Variants in USH1C observed in about 807,000 individuals in gnomAD.
USH1C encodes harmonin.
In USH1C, 90 loss-of-function variants were observed where a neutral mutation model predicts 119.3. The ratio of observed to expected loss-of-function variants is 0.75; its 90% CI spans 0.64 to 0.90. The LOEUF (loss-of-function observed/expected upper bound fraction) is 0.90, where lower values mean the gene tolerates loss of function less well. USH1C is among the 40% of genes least tolerant of loss of function. The probability of loss-of-function intolerance (pLI) is 0.00; values close to 1 mark genes in which losing one functional copy is unlikely to be tolerated. For synonymous variants in USH1C, 465 were observed against 443.3 expected, an observed-to-expected ratio of 1.05 and a Z score of -0.62; for missense variants, 1,165 against 1,167.7, an observed-to-expected ratio of 1.00 and a Z score of 0.03.
intron 1 of USH1C, chr11:17,533,740 G>A (rs955354989): frequency 6.4e-6 from 3 of 465,452 alleles, no homozygotes; most frequent in Non-Finnish European, 1.3e-5. Flanking sequence ...TGTAGTGCCG[G>A]ATAAATGCTT....
intron 16 of USH1C, among the ~76,000 whole-genome samples, chr11:17,511,682 G>A (rs2133826738): frequency 6.6e-6 from 1 of 152,304 alleles, no homozygotes; most frequent in South Asian, 2.1e-4. Context: ...ACACCCCCAA[G>A]CAAGGAGATT....
chr11:17,496,291 T>G (rs2133766368), intron 25 of USH1C, among the ~76,000 whole-genome samples: 1 of 152,188 alleles, frequency 6.6e-6, no homozygotes, highest in South Asian at 2.1e-4. Flanking sequence ...CAAAGCTCCC[T>G]GGAGATCCCA....
intron 2 of USH1C, among the ~76,000 whole-genome samples, chr11:17,532,445 G>A (rs912587138): frequency 6.6e-6 from 1 of 151,842 alleles, no homozygotes; most frequent in Non-Finnish European, 1.5e-5. Context: ...CTACAGGCAC[G>A]CGCCACCATA....
chr11:17,544,213 T>C (rs971586099), intron 1 of USH1C, 59 bp downstream of exon 1: 1 of 1,610,368 alleles, frequency 6.2e-7, no homozygotes, highest in Admixed American at 1.7e-5. Flanking sequence ...GTCCACCCCC[T>C]ACCCACCGCG....
chr11:17,509,425 C>T lies in USH1C; in HGVS notation c.1944G>A (p.Glu648=). The change falls in exon 18 of 27, where the codon GAG becomes GAA. Residue 648 remains glutamate (E), a synonymous_variant. Coordinates refer to ENST00000005226, the MANE Select transcript of USH1C (RefSeq NM_153676.4). ...TGGGCTTCCCACTGTGGTTCTTTGC[C>T]TCCCAGTCCTCCACTGGATTGCCTG... ...GDTGNPVEDW[E]AKNHSGKPTN... 6.2e-7 allele frequency: 1 copy of T among 1,607,550 alleles called. No individual in the cohort carries two copies. The highest frequency in any genetic ancestry group is 8.5e-7 in the Non-Finnish European group (1 of 1,175,416).
chr11:17,523,002 G>A, intron 11 of USH1C, 76 bp from the exon 12 acceptor site: 1 of 1,597,106 alleles, frequency 6.3e-7, no homozygotes, highest in Non-Finnish European at 8.5e-7. Flanking sequence ...TGGGGGCCGA[G>A]ATGCAGGTGG....
intron 1 of USH1C, 39 bp from the exon 2 acceptor site, chr11:17,533,361 G>C: frequency 1.5e-6 from 2 of 1,351,492 alleles, no homozygotes; most frequent in Non-Finnish European, 2.1e-6. Flanking sequence ...TCCAGGCTCA[G>C]CACCCGCCCC....
intron 15 of USH1C, among the ~76,000 whole-genome samples, chr11:17,512,510 T>A (rs1168320439): frequency 6.6e-6 from 1 of 152,240 alleles, no homozygotes; most frequent in Non-Finnish European, 1.5e-5. Flanking sequence ...TTTTCCAGTA[T>A]CTGGCACATG....
chr11:17,523,124 C>T (rs1850492464), intron 11 of USH1C, 87 bp downstream of exon 11: 8 of 1,601,784 alleles, frequency 5.0e-6, no homozygotes, highest in Non-Finnish European at 6.8e-6. Context: ...GGAGACCAGC[C>T]ACCCTGGGAG....
At chr11:17,521,311 T>G in intron 13 of USH1C, 35 bp downstream of exon 13, 1 of 1,610,082 alleles carries the variant, frequency 6.2e-7, no homozygotes, top group Non-Finnish European at 8.5e-7. Context: ...ACACTGATGT[T>G]CATGCACAGA....
chr11:17,538,284 C>G (rs1299337053), intron 1 of USH1C, among the ~76,000 whole-genome samples: 1 of 152,138 alleles, frequency 6.6e-6, no homozygotes, highest in East Asian at 1.9e-4. Flanking sequence ...GAGGAGGGGA[C>G]AGGGAGCATC....
intron 1 of USH1C, among the ~76,000 whole-genome samples, chr11:17,539,842 T>C (rs1296741682): frequency 2.0e-5 from 3 of 149,406 alleles, no homozygotes; most frequent in Non-Finnish European, 3.0e-5. Flanking sequence ...TCTTTTTTTT[T>C]TTTTTTTTGA....
At chr11:17,533,105 C>T (rs1323158164) in intron 2 of USH1C, 150 bp downstream of exon 2, 4 of 741,438 alleles carry the variant, frequency 5.4e-6, no homozygotes, top group Non-Finnish European at 9.9e-6. Flanking sequence ...TAAATAGTTG[C>T]TGAAATGAGT....
intron 15 of USH1C, among the ~76,000 whole-genome samples, chr11:17,512,924 T>C (rs1388206244): frequency 6.6e-6 from 1 of 152,176 alleles, no homozygotes; most frequent in Admixed American, 6.5e-5. Context: ...CGAGCCTGCA[T>C]TCCTGGCTGC....
rs757163581 is a variant in USH1C, at chr11:17,501,493, G to C, written c.2269C>G (p.Arg757Gly). 6.2e-7 allele frequency: 1 copy of C among 1,613,078 alleles called. No homozygotes were observed. Among genetic ancestry groups the C allele is most frequent in the South Asian group, 1.1e-5 (1 of 90,754 alleles). Reference sequence around the variant, plus strand: ...ACATGCCCAGGTACCTTCTTGATGCGTAGGAGCCGGACATCCTTCCCCATG... The same window carrying C: ...ACATGCCCAGGTACCTTCTTGATGCCTAGGAGCCGGACATCCTTCCCCATG... ...QIMGKDVRLL[R>G]IKKEGSLDLA... Residue 757 changes from arginine to glycine, a missense_variant, in exon 22 of 27, where the codon CGC (arginine) becomes GGC (glycine). Transcript: ENST00000005226.
At chr11:17,544,004 A>G (rs1851589144) in intron 1 of USH1C, among the ~76,000 whole-genome samples, 1 of 152,208 alleles carries the variant, frequency 6.6e-6, no homozygotes, top group African/African-American at 2.4e-5. Context: ...CAAACCCCAG[A>G]GACGTCCCTG....
intron 1 of USH1C, among the ~76,000 whole-genome samples, chr11:17,536,088 C>G (rs2133940892): frequency 6.6e-6 from 1 of 152,310 alleles, no homozygotes; most frequent in South Asian, 2.1e-4. Flanking sequence ...TTGGCTTGGT[C>G]TATAATGAGT....
In USH1C at chr11:17,539,465, TTG is replaced by T. The variant is rs1491274758; in HGVS notation, c.36+4805_36+4806del. On this transcript the variant is annotated intron_variant, in intron 1 of 26. Coordinates refer to ENST00000005226, the MANE Select transcript of USH1C (RefSeq NM_153676.4). ...TTTAATCACTATGAGAGATTAATCA[TTG>T]TTTTTTAGTATTAATTTAATGAGTT... Among the ~76,000 whole-genome samples, 530 of 152,146 alleles carry T rather than the reference TTG, an allele frequency of 3.5e-3. 2 individuals carry two copies. The highest frequency in any genetic ancestry group is 0.012 in the African/African-American group (511 of 41,402).
At chr11:17,501,665 C>G (rs1849452743) in intron 21 of USH1C, 130 bp from the exon 22 acceptor site, 1 of 1,096,144 alleles carries the variant, frequency 9.1e-7, no homozygotes, top group African/African-American at 1.6e-5. Flanking sequence ...GGGGACCGTG[C>G]CCAGCCCCAC....
Sources: allele counts gnomAD v4.1 joint callset (sites outside exome capture counted in the v4.1 genomes callset), GRCh38; gene constraint gnomAD v4.1.1; transcripts MANE v1.5; gene names NCBI Gene and HGNC (gene_info 2026-07-23, HGNC 2026-07-21).